The following GRM8 variants were observed in gnomAD, a reference collection of about 807,000 sequenced individuals.
The protein encoded by GRM8 is glutamate metabotropic receptor 8, also known as metabotropic glutamate receptor 8.
A neutral mutation model predicts 87.2 loss-of-function variants in GRM8; 47 were observed. That is an observed-to-expected ratio of 0.54 (90% CI 0.43 to 0.69). GRM8 has a LOEUF of 0.69. Among genes scored for constraint, GRM8 ranks in the 30% least tolerant of loss-of-function variants. The pLI is 0.00. For synonymous variants in GRM8, 396 were observed against 404.5 expected (o/e 0.98, Z 0.25); for missense variants, 1,019 against 1,139.2 (o/e 0.89, Z 1.52).
At chr7:126,773,059 G>A (rs1336454918) in intron 6 of GRM8, among the ~76,000 whole-genome samples, 2 of 152,072 alleles carry the variant, frequency 1.3e-5, no homozygotes, top group East Asian at 3.9e-4. Flanking sequence ...AAGATACAGA[G>A]AGGAGGGAAA....
chr7:127,119,500 T>TCA (rs113386366), intron 2 of GRM8, among the ~76,000 whole-genome samples: 3,546 of 138,772 alleles, frequency 0.026, 117 homozygotes, highest in African/African-American at 0.083. Flanking sequence ...TCTCTCTCTC[T>TCA]CACACACACA....
intron 9 of GRM8, among the ~76,000 whole-genome samples, chr7:126,481,794 T>A (rs1806714061): frequency 6.6e-6 from 1 of 152,088 alleles, no homozygotes; most frequent in Non-Finnish European, 1.5e-5. Flanking sequence ...TTGGTAGTTT[T>A]CTTAGTATGT....
chr7:126,534,677 T>A (rs553491952), intron 8 of GRM8, among the ~76,000 whole-genome samples: 70 of 152,310 alleles, frequency 4.6e-4, no homozygotes, highest in Middle Eastern at 6.8e-3. Flanking sequence ...AATAACTCTA[T>A]CGAGATACAA....
At chr7:127,032,963 C>T (rs906027828) in intron 3 of GRM8, among the ~76,000 whole-genome samples, 3 of 150,850 alleles carry the variant, frequency 2.0e-5, no homozygotes, top group Non-Finnish European at 4.4e-5. Context: ...TTCTAGATAT[C>T]CTTAATCAGT....
At position 126,865,956 on chromosome 7, in the gene GRM8, C is replaced by G. The variant is rs577623851; in HGVS notation, c.1156+36586G>C. Among the ~76,000 whole-genome samples the G allele has an allele frequency of 1.2e-4, 19 of 152,266 alleles. No homozygotes were observed. In the South Asian group the frequency reaches 3.9e-3, roughly 32 times the overall value. On this transcript the variant is annotated intron_variant, in intron 6 of 10. Coordinates refer to ENST00000339582, the MANE Select transcript of GRM8 (RefSeq NM_000845.3). Reference sequence around the variant, plus strand: ...CTTAGGTACACAGCTAAGAGTAGAACCGGTGGAATATATGGTAACTTTACT... The same window carrying G: ...CTTAGGTACACAGCTAAGAGTAGAAGCGGTGGAATATATGGTAACTTTACT...
intron 6 of GRM8, among the ~76,000 whole-genome samples, chr7:126,871,269 A>C (rs1283367520): frequency 6.6e-6 from 1 of 152,164 alleles, no homozygotes; most frequent in Non-Finnish European, 1.5e-5. Context: ...CATTTTGAAG[A>C]TATTTTCTTA....
At chr7:126,671,503 TATC>T (rs1434688098) in intron 7 of GRM8, among the ~76,000 whole-genome samples, 1 of 152,214 alleles carries the variant, frequency 6.6e-6, no homozygotes, top group Non-Finnish European at 1.5e-5. Flanking sequence ...TTTCAAAACT[TATC>T]ATATGCTTGT....
intron 9 of GRM8, among the ~76,000 whole-genome samples, chr7:126,454,897 A>G (rs545429402): frequency 9.0e-4 from 137 of 151,804 alleles, no homozygotes; most frequent in African/African-American, 3.2e-3. Context: ...ATTGATTTCT[A>G]TTGTTTAAAC....
intron 8 of GRM8, among the ~76,000 whole-genome samples, chr7:126,601,856 T>C (rs202052975): frequency 0.19 from 21,577 of 115,336 alleles, 2,501 homozygotes; most frequent in East Asian, 0.31. Flanking sequence ...GAGTAGGTTG[T>C]GAAAATTTTC....
intron 3 of GRM8, among the ~76,000 whole-genome samples, chr7:126,966,528 GAAT>G (rs1184645306): frequency 5.3e-5 from 8 of 152,040 alleles, no homozygotes; most frequent in Admixed American, 3.9e-4. Context: ...TTTTCATACA[GAAT>G]AATATTATGA....
At chr7:126,981,002 CTGTT>C (rs1811466499) in intron 3 of GRM8, 1 of 152,270 alleles carries the variant, frequency 6.6e-6, no homozygotes, top group Non-Finnish European at 1.5e-5. Context: ...CCACCTTTCT[CTGTT>C]TGAGAGCACC....
chr7:127,048,997 C>T (rs1819203572), intron 3 of GRM8, among the ~76,000 whole-genome samples: 1 of 152,108 alleles, frequency 6.6e-6, no homozygotes, highest in African/African-American at 2.4e-5. Context: ...AATTTATTTA[C>T]TCTAGCCCTA....
At chr7:126,722,528 C>G (rs1043107581) in intron 7 of GRM8, among the ~76,000 whole-genome samples, 25 of 152,128 alleles carry the variant, frequency 1.6e-4, no homozygotes, top group African/African-American at 5.6e-4. Context: ...AAAAAACAAA[C>G]TATTTATGTC....
intron 3 of GRM8, among the ~76,000 whole-genome samples, chr7:127,026,127 T>C (rs1251330438): frequency 6.6e-6 from 1 of 152,084 alleles, no homozygotes; most frequent in African/African-American, 2.4e-5. Flanking sequence ...TTGTGATATT[T>C]TGCTGAGAAT....
At chr7:127,096,468 G>A (rs1367339864) in intron 3 of GRM8, among the ~76,000 whole-genome samples, 1 of 151,954 alleles carries the variant, frequency 6.6e-6, no homozygotes, top group Non-Finnish European at 1.5e-5. Context: ...ACTGAGGTAG[G>A]AGAATCGCTT....
chr7:126,514,536 C>T (rs1221055570), intron 9 of GRM8, among the ~76,000 whole-genome samples: 3 of 152,078 alleles, frequency 2.0e-5, no homozygotes, highest in Non-Finnish European at 4.4e-5. Context: ...GTATTCTTCT[C>T]TTTCTCTAAG....
rs1801154817 is a variant in GRM8 at position 126,439,106 on chromosome 7, C to A, written c.*13G>T. ...ATATACCACATCTCTTCAGATTGTG[C>A]CATTTCCCTGTTTCAGATTGAATGA... On this transcript the variant is annotated 3_prime_UTR_variant, in exon 11 of 11. Coordinates refer to ENST00000339582, the MANE Select transcript of GRM8 (RefSeq NM_000845.3). 2 of 1,516,520 alleles carry A rather than the reference C, an allele frequency of 1.3e-6. No individual in the cohort carries two copies. Among genetic ancestry groups the A allele is most frequent in the South Asian group, 2.2e-5 (2 of 89,130 alleles). 93.9% of individuals were successfully genotyped at this position (1,516,520 alleles called of 1,614,324 possible).
At chr7:126,861,253 A>T (rs991440624) in intron 6 of GRM8, among the ~76,000 whole-genome samples, 2 of 152,084 alleles carry the variant, frequency 1.3e-5, no homozygotes, top group African/African-American at 4.8e-5. Flanking sequence ...TATCACCACT[A>T]TGCTCTCAAT....
chr7:126,987,339 T>G lies in GRM8; in HGVS notation c.728-82656A>C, dbSNP rs570334298. Among the ~76,000 whole-genome samples, 8 of 152,310 alleles carry G rather than the reference T, an allele frequency of 5.3e-5. No homozygotes were observed. In the South Asian group the frequency reaches 1.7e-3, roughly 32 times the overall value. On this transcript the variant is annotated intron_variant, in intron 3 of 10. Transcript: ENST00000339582. Reference sequence around the variant, plus strand: ...TCATCCCACTAGCTCATGTACCTCCTGCTCGGCATCCACCAAACTCTGTTT... The same window carrying G: ...TCATCCCACTAGCTCATGTACCTCCGGCTCGGCATCCACCAAACTCTGTTT...
Sources: allele counts gnomAD v4.1 joint callset (sites outside exome capture counted in the v4.1 genomes callset), GRCh38; gene constraint gnomAD v4.1.1; transcripts MANE v1.5; gene names NCBI Gene and HGNC (gene_info 2026-07-23, HGNC 2026-07-21).